Variants in PWWP2B observed in about 807,000 individuals in gnomAD.
PWWP2B encodes PWWP domain-containing protein 2B.
PWWP2B carries 9 observed loss-of-function variants against 15.5 expected under a neutral mutation model. The ratio of observed to expected loss-of-function variants is 0.58; its 90% CI spans 0.35 to 1.02. The LOEUF (loss-of-function observed/expected upper bound fraction) is 1.02, where lower values mean the gene tolerates loss of function less well. Ranked by LOEUF, PWWP2B falls within the 50% of genes least tolerant of loss-of-function variation. The pLI, the probability that PWWP2B is intolerant of heterozygous loss-of-function variation, is 0.02. For synonymous variants in PWWP2B, 474 were observed against 403.6 expected (o/e 1.17, Z -2.09); for missense variants, 864 against 865.3 (o/e 1.00, Z 0.02).
At chr10:132,415,324 A>G (rs1429776389) in intron 2 of PWWP2B, among the ~76,000 whole-genome samples, 5 of 144,550 alleles carry the variant, frequency 3.5e-5, no homozygotes, top group Admixed American at 6.9e-5. Flanking sequence ...ATCCACACAC[A>G]CCCCCCCACA....
intron 2 of PWWP2B, among the ~76,000 whole-genome samples, chr10:132,407,223 T>C (rs1419445919): frequency 6.6e-6 from 1 of 152,092 alleles, no homozygotes; most frequent in African/African-American, 2.4e-5. Flanking sequence ...GATGCCCCTC[T>C]TGTCTTCCCA....
At chr10:132,415,809 T>C (rs1037361252) in intron 2 of PWWP2B, among the ~76,000 whole-genome samples, 1 of 152,254 alleles carries the variant, frequency 6.6e-6, no homozygotes, top group African/African-American at 2.4e-5. Flanking sequence ...CCCATCCATG[T>C]AGAGGATTAT....
At chr10:132,415,654 C>CACAT (rs1176821341) in intron 2 of PWWP2B, among the ~76,000 whole-genome samples, 5 of 150,082 alleles carry the variant, frequency 3.3e-5, no homozygotes, top group African/African-American at 1.3e-4. Flanking sequence ...CTCACACACA[C>CACAT]ATGCACTCAC....
Position 132,397,284 on chromosome 10 carries a change from G to A in PWWP2B, c.58G>A (p.Ala20Thr). ...PVRVEQVVNG[A>T]LVVTVSCGER... ...GCGGGTGGAGCAGGTCGTCAACGGC[G>A]CGCTGGTGGTCACGGTGAGCTGCGG... The change falls in exon 1 of 3, where the codon GCG becomes ACG. Residue 20 changes from alanine (A) to threonine (T), a missense_variant. Ala to Thr is a moderately conservative substitution (Grantham distance 58). This residue lies in a region of PWWP2B where 736 missense variants were observed against 687.7 expected (regional missense o/e 1.07). Transcript: ENST00000305233. The A allele has an allele frequency of 7.1e-7, 1 of 1,416,540 alleles. No homozygotes were observed. The highest frequency in any genetic ancestry group is 1.5e-5 in the South Asian group (1 of 65,196). The allele number at this position is 1,416,540 out of a possible 1,614,324, so 87.7% of individuals were successfully genotyped here.
At chr10:132,404,032 C>G (rs12769227) in intron 1 of PWWP2B, among the ~76,000 whole-genome samples, 30 of 58,314 alleles carry the variant, frequency 5.1e-4, no homozygotes, top group African/African-American at 2.3e-3. Flanking sequence ...ACGGCATTCT[C>G]CAGGGCTCCT....
At chr10:132,397,728 C>T (rs1044829440) in intron 1 of PWWP2B, among the ~76,000 whole-genome samples, 1 of 152,220 alleles carries the variant, frequency 6.6e-6, no homozygotes, top group Non-Finnish European at 1.5e-5. Flanking sequence ...TGCGCCGTGG[C>T]CTTGCCCTGG....
At chr10:132,414,424 G>A (rs1423795777) in intron 2 of PWWP2B, among the ~76,000 whole-genome samples, 8 of 152,180 alleles carry the variant, frequency 5.3e-5, no homozygotes, top group African/African-American at 1.2e-4. Context: ...AGGGATGGAC[G>A]AAGCAGGTTC....
intron 2 of PWWP2B, among the ~76,000 whole-genome samples, chr10:132,416,237 C>G (rs977847016): frequency 1.4e-4 from 21 of 152,214 alleles, no homozygotes; most frequent in African/African-American, 4.8e-4. Context: ...CGCCTTTGTC[C>G]TGACAGGAGG....
rs2069683357 is a variant in PWWP2B, at chr10:132,405,509, C to T, written c.1009C>T (p.Pro337Ser). The T allele has an allele frequency of 4.4e-6, 7 of 1,603,682 alleles. No homozygotes were observed. Among genetic ancestry groups the T allele is most frequent in the Admixed American group, 1.7e-5 (1 of 59,944 alleles). The stretch of plus-strand genomic sequence containing the variant: ...GCCGCCCCCTAAGATCCGCCTGAAG[C>T]CCCACCGTCTGGGGGACAGCGAGCA... ...DLPPPKIRLK[P>S]HRLGDSEHEP... Residue 337 changes from proline to serine, a missense_variant, in exon 2 of 3, where the codon CCC becomes TCC. By Grantham distance (74) the Pro-to-Ser change is moderately conservative. Transcript: ENST00000305233.
rs751155646 is a variant in PWWP2B at position 132,404,833 on chromosome 10, C to T, written c.333C>T (p.Ala111=). The T allele has an allele frequency of 1.9e-5, 30 of 1,570,312 alleles. No individual in the cohort carries two copies. Among genetic ancestry groups the T allele is most frequent in the South Asian group, 8.9e-5 (8 of 89,436 alleles). Residue 111 remains alanine, a synonymous_variant, in exon 2 of 3, where the codon GCC becomes GCT. Transcript: ENST00000305233. ...CGCCCCTCGTGCCGCCGCTGCCCGC[C>T]GGAAGCCTGCCCCCGTACCCTCCCT... is the stretch of plus-strand genomic sequence containing the variant. ...PPPPLVPPLP[A]GSLPPYPPYF...
chr10:132,409,972 CA>C (rs1294187031), intron 2 of PWWP2B, among the ~76,000 whole-genome samples: 1 of 151,932 alleles, frequency 6.6e-6, no homozygotes, highest in African/African-American at 2.4e-5. Context: ...CGGAGGTGGT[CA>C]GGGGGCCCGG....
At chr10:132,411,976 T>A (rs1311399857) in intron 2 of PWWP2B, among the ~76,000 whole-genome samples, 1 of 152,274 alleles carries the variant, frequency 6.6e-6, no homozygotes, top group Admixed American at 6.5e-5. Context: ...GTAATTATTT[T>A]GTTCCAGAAG....
intron 2 of PWWP2B, among the ~76,000 whole-genome samples, chr10:132,411,368 T>C (rs535489656): frequency 1.3e-5 from 2 of 152,372 alleles, no homozygotes; most frequent in African/African-American, 4.8e-5. Flanking sequence ...AAACACGATG[T>C]GGCAGAAGGT....
intron 2 of PWWP2B, among the ~76,000 whole-genome samples, chr10:132,415,645 TCA>T (rs35691596): frequency 2.4e-5 from 3 of 123,880 alleles, no homozygotes; most frequent in East Asian, 2.5e-4. Context: ...ACACACCCAC[TCA>T]CACACACATG....
In PWWP2B at chr10:132,406,294, G is replaced by C. The variant is rs767422914; in HGVS notation, c.*16+5G>C. 6.3e-7 allele frequency: 1 copy of C among 1,591,896 alleles called. No individual in the cohort carries two copies. Among genetic ancestry groups the C allele is most frequent in the Non-Finnish European group, 8.6e-7 (1 of 1,166,952 alleles). On this transcript the variant is annotated splice_donor_5th_base_variant and intron_variant, in intron 2 of 2. Transcript: ENST00000305233. ...CGTAACTGGTTCCCTGACCAGGTGAGTGTGCCAGCGGCAGCCTCCTTCCCC... is the reference window on the plus strand; with the variant it reads ...CGTAACTGGTTCCCTGACCAGGTGACTGTGCCAGCGGCAGCCTCCTTCCCC...
intron 1 of PWWP2B, 68 bp downstream of exon 1, chr10:132,397,419 A>G: frequency 9.0e-7 from 1 of 1,113,344 alleles, no homozygotes; most frequent in Non-Finnish European, 1.1e-6. Flanking sequence ...CCGCCCGGAG[A>G]CCCGGGACCC....
At position 132,404,708 on chromosome 10, in the gene PWWP2B, C is replaced by T. The variant is rs748921194; in HGVS notation, c.208C>T (p.Pro70Ser). 6.2e-7 allele frequency: 1 copy of T among 1,612,190 alleles called. No homozygotes were observed. The highest frequency in any genetic ancestry group is 1.1e-5 in the South Asian group (1 of 91,078). Reference sequence around the variant, plus strand: ...TGTCAACGACAGCCATGGCCGGGCTCCCGAGGAGGGGGATGCAGAGGTGAT... The same window carrying T: ...TGTCAACGACAGCCATGGCCGGGCTTCCGAGGAGGGGGATGCAGAGGTGAT... Reference protein sequence around the residue: ...SPVNDSHGRAPEEGDAEVMQL... With the variant: ...SPVNDSHGRASEEGDAEVMQL... The change falls in exon 2 of 3, where the codon CCC becomes TCC. Residue 70 changes from proline (P) to serine (S), a missense_variant. Around this residue, in one of 2 missense-constraint regions of PWWP2B, gnomAD observed 736 missense variants for 687.7 expected, o/e 1.07. Coordinates refer to ENST00000305233, the MANE Select transcript of PWWP2B (RefSeq NM_138499.4).
chr10:132,404,528 C>A, intron 1 of PWWP2B, 98 bp from the exon 2 acceptor site: 1 of 1,052,592 alleles, frequency 9.5e-7, no homozygotes. Context: ...CCCAGACCTG[C>A]CGGAGCATGG....
Position 132,404,824 on chromosome 10 carries a change from GC to G in PWWP2B, c.325del (p.Leu109CysfsTer77). The G allele has an allele frequency of 1.1e-6, 1 of 894,808 alleles. No individual in the cohort carries two copies. The highest frequency in any genetic ancestry group is 1.6e-6 in the Non-Finnish European group (1 of 625,086). 55.4% of individuals were successfully genotyped at this position (894,808 alleles called of 1,614,324 possible). On this transcript the variant is annotated frameshift_variant, in exon 2 of 3. Transcript: ENST00000305233. LOFTEE classifies it high-confidence loss of function. ...AGCCACCCCCGCCCCTCGTGCCGCC[GC>G]TGCCCGCCGGAAGCCTGCCCCCGTA... ...PEPPPPLVPPLPAGSLPPYPP... is the reference protein window; with the variant it reads ...PEPPPPLVPPXPAGSLPPYPP...
Sources: allele counts gnomAD v4.1 joint callset (sites outside exome capture counted in the v4.1 genomes callset), GRCh38; gene constraint gnomAD v4.1.1; regional missense constraint gnomAD v4.1.1; transcripts MANE v1.5; gene names NCBI Gene and HGNC (gene_info 2026-07-23, HGNC 2026-07-21).